The following CRPPA variants were observed in gnomAD, a reference collection of about 807,000 sequenced individuals.
CRPPA encodes CDP-L-ribitol pyrophosphorylase A, also known as D-ribitol-5-phosphate cytidylyltransferase.
Under a neutral mutation model 52.0 loss-of-function variants are expected in CRPPA, and 43 were observed. That is an observed-to-expected ratio of 0.83 (90% confidence interval 0.65 to 1.07). CRPPA has a LOEUF of 1.07. CRPPA is among the 50% of genes least tolerant of loss of function. The pLI, the probability that CRPPA is intolerant of heterozygous loss-of-function variation, is 0.00. For missense variants in CRPPA, 629 were observed against 551.7 expected (o/e 1.14, Z -1.40); for synonymous variants, 250 against 203.5 (o/e 1.23, Z -1.94).
chr7:16,255,261 A>C (rs535970290), intron 8 of CRPPA, among the ~76,000 whole-genome samples: 1 of 152,204 alleles, frequency 6.6e-6, no homozygotes, highest in African/African-American at 2.4e-5. Flanking sequence ...TTCAAGGAGA[A>C]CTACAAACCA....
At chr7:16,095,246 C>G (rs2128362132) in intron 9 of CRPPA, among the ~76,000 whole-genome samples, 1 of 152,232 alleles carries the variant, frequency 6.6e-6, no homozygotes, top group East Asian at 1.9e-4. Context: ...TTTATATATT[C>G]CTTGAAAAAC....
intron 9 of CRPPA, among the ~76,000 whole-genome samples, chr7:16,206,599 ATGAT>A (rs1781978945): frequency 1.3e-5 from 2 of 152,220 alleles, no homozygotes; most frequent in Admixed American, 1.3e-4. Flanking sequence ...TAAAAATTAA[ATGAT>A]TACAAGGTAA....
At position 16,319,458 on chromosome 7, in the gene CRPPA, C is replaced by T. The variant is rs74639410; in HGVS notation, c.685-10831G>A. Among the ~76,000 whole-genome samples, 757 of 152,174 alleles carry T rather than the reference C, an allele frequency of 5.0e-3. 42 individuals carry two copies. In the East Asian group the frequency reaches 0.11, roughly 23 times the overall value. Reference sequence around the variant, plus strand: ...ACATGGATCCCCTAGCTTCTGTATCCCGTGCAGTCTGCTTCCTTGATCGAC... The same window carrying T: ...ACATGGATCCCCTAGCTTCTGTATCTCGTGCAGTCTGCTTCCTTGATCGAC... On this transcript the variant is annotated intron_variant, in intron 3 of 9. Coordinates refer to ENST00000407010, the MANE Select transcript of CRPPA (RefSeq NM_001101426.4).
chr7:16,207,357 T>G (rs182987054), intron 9 of CRPPA, among the ~76,000 whole-genome samples: 2 of 152,330 alleles, frequency 1.3e-5, no homozygotes, highest in Admixed American at 1.3e-4. Context: ...TGTCAAATCT[T>G]TAAAATTAGG....
intron 8 of CRPPA, among the ~76,000 whole-genome samples, chr7:16,253,468 G>C (rs1260928756): frequency 1.3e-5 from 2 of 152,182 alleles, no homozygotes; most frequent in Non-Finnish European, 2.9e-5. Context: ...TGGTCTGAGA[G>C]ACAGACTGTT....
chr7:16,363,732 C>T (rs889724445), intron 3 of CRPPA, among the ~76,000 whole-genome samples: 1 of 151,860 alleles, frequency 6.6e-6, no homozygotes, highest in African/African-American at 2.4e-5. Flanking sequence ...GAGGTCCTGA[C>T]CAAAGCAACA....
intron 2 of CRPPA, among the ~76,000 whole-genome samples, chr7:16,392,772 C>T (rs963162960): frequency 3.9e-5 from 6 of 152,062 alleles, no homozygotes; most frequent in Non-Finnish European, 2.9e-5. Flanking sequence ...TAAAGAATTA[C>T]GTAGTTTAAA....
intron 3 of CRPPA, among the ~76,000 whole-genome samples, chr7:16,339,082 G>A (rs1426948382): frequency 1.3e-5 from 2 of 152,056 alleles, no homozygotes; most frequent in Non-Finnish European, 2.9e-5. Flanking sequence ...TGGGATTACA[G>A]GCGTGAGCCA....
intron 8 of CRPPA, among the ~76,000 whole-genome samples, chr7:16,242,930 C>A (rs139953603): frequency 9.0e-4 from 137 of 152,146 alleles, no homozygotes; most frequent in African/African-American, 3.2e-3. Flanking sequence ...ATAATATGAC[C>A]CACACGACAA....
intron 5 of CRPPA, among the ~76,000 whole-genome samples, chr7:16,292,012 G>T (rs1784574317): frequency 6.6e-6 from 1 of 151,852 alleles, no homozygotes; most frequent in Non-Finnish European, 1.5e-5. Context: ...CGGTGGAAAT[G>T]TACTTGTTAC....
intron 5 of CRPPA, among the ~76,000 whole-genome samples, chr7:16,300,929 A>G (rs1041384233): frequency 6.6e-6 from 1 of 152,222 alleles, no homozygotes; most frequent in African/African-American, 2.4e-5. Flanking sequence ...CACACATATG[A>G]TATCTACAAT....
chr7:16,273,230 A>C (rs1293261051), intron 6 of CRPPA, among the ~76,000 whole-genome samples: 2 of 151,794 alleles, frequency 1.3e-5, no homozygotes, highest in African/African-American at 4.8e-5. Flanking sequence ...CCACACCCTT[A>C]GGCCTGGGTA....
chr7:16,182,615 T>A (rs935127477), intron 9 of CRPPA, among the ~76,000 whole-genome samples: 1 of 152,136 alleles, frequency 6.6e-6, no homozygotes, highest in Non-Finnish European at 1.5e-5. Flanking sequence ...ATCTACACAA[T>A]CCTCTTATTA....
chr7:16,107,319 C>T (rs1026804020), intron 9 of CRPPA, among the ~76,000 whole-genome samples: 2 of 152,058 alleles, frequency 1.3e-5, no homozygotes, highest in Non-Finnish European at 2.9e-5. Context: ...CATCAAGGCA[C>T]ATAATGAACT....
chr7:16,244,430 G>A (rs1170374080), intron 8 of CRPPA, among the ~76,000 whole-genome samples: 2 of 152,066 alleles, frequency 1.3e-5, no homozygotes, highest in African/African-American at 4.8e-5. Flanking sequence ...ATATAGATGA[G>A]GTTCAAAGTT....
At chr7:16,400,771 G>A (rs2128317433) in intron 2 of CRPPA, among the ~76,000 whole-genome samples, 1 of 152,350 alleles carries the variant, frequency 6.6e-6, no homozygotes, top group African/African-American at 2.4e-5. Flanking sequence ...TGTGATGGAA[G>A]ACGTGGACAC....
intron 3 of CRPPA, among the ~76,000 whole-genome samples, chr7:16,327,663 A>T (rs367692385): frequency 6.6e-6 from 1 of 151,548 alleles, no homozygotes; most frequent in South Asian, 2.1e-4. Flanking sequence ...AAGGAGATAC[A>T]CATGCTCTTC....
At chr7:16,144,353 C>G (rs1782930543) in intron 9 of CRPPA, among the ~76,000 whole-genome samples, 1 of 152,160 alleles carries the variant, frequency 6.6e-6, no homozygotes, top group Admixed American at 6.5e-5. Context: ...TACTTCAGTC[C>G]AAGGCAGTCC....
At chr7:16,354,963 C>G (rs925650534) in intron 3 of CRPPA, among the ~76,000 whole-genome samples, 3 of 152,058 alleles carry the variant, frequency 2.0e-5, no homozygotes, top group African/African-American at 7.2e-5. Flanking sequence ...TAAAAATGTA[C>G]AGCCAAATAT....
Sources: gnomAD v4.1 joint callset for allele counts (sites outside exome capture counted in the v4.1 genomes callset) on GRCh38, gnomAD v4.1.1 for gene constraint, MANE v1.5 for transcripts, NCBI Gene and HGNC (gene_info 2026-07-23, HGNC 2026-07-21) for gene names.